The following MRPL37 variants were observed in gnomAD, a reference collection of about 807,000 sequenced individuals.
MRPL37 encodes mitochondrial ribosomal protein L37, also known as large ribosomal subunit protein mL37.
Under a neutral mutation model 44.1 loss-of-function variants are expected in MRPL37, and 34 were observed. The observed-to-expected ratio is 0.77, with a 90% CI of 0.59 to 1.03. The LOEUF (loss-of-function observed/expected upper bound fraction) is 1.03, where lower values mean the gene tolerates loss of function less well. Among genes scored for constraint, MRPL37 ranks in the 50% least tolerant of loss-of-function variants. The probability of loss-of-function intolerance (pLI) is 0.00; values close to 1 mark genes in which losing one functional copy is unlikely to be tolerated. For synonymous variants in MRPL37, 212 were observed against 219.5 expected (o/e 0.97, Z 0.30); for missense variants, 532 against 543.7 (o/e 0.98, Z 0.21).
intron 3 of MRPL37, among the ~76,000 whole-genome samples, chr1:54,206,240 G>A (rs1279565621): frequency 6.6e-6 from 1 of 151,798 alleles, no homozygotes; most frequent in African/African-American, 2.4e-5. Flanking sequence ...AGCCTCCCGA[G>A]TAGCTGGGAC....
rs201642267 is a variant in MRPL37 at position 54,212,488 on chromosome 1, G to C, written c.833-13G>C. On this transcript the variant is annotated splice_polypyrimidine_tract_variant and intron_variant, in intron 4 of 6. Coordinates refer to ENST00000360840, the MANE Select transcript of MRPL37 (RefSeq NM_016491.4). ...ATCCTTTCCACCCCTCCACATAATT[G>C]TGTCTCTTGCAGGATTCCAGGAAGG... is the stretch of plus-strand genomic sequence containing the variant. 2.8e-3 allele frequency: 4,529 copies of C among 1,613,228 alleles called. 10 individuals are homozygous for C. Among genetic ancestry groups the C allele is most frequent in the Non-Finnish European group, 3.3e-3 (3,937 of 1,179,466 alleles).
At chr1:54,203,058 G>A (rs932472623) in intron 1 of MRPL37, among the ~76,000 whole-genome samples, 4 of 152,182 alleles carry the variant, frequency 2.6e-5, no homozygotes, top group African/African-American at 7.2e-5. Context: ...TCTTTGCCTG[G>A]CACCACAGCC....
At chr1:54,212,414 C>G in intron 4 of MRPL37, 87 bp from the exon 5 acceptor site, 1 of 1,497,470 alleles carries the variant, frequency 6.7e-7, no homozygotes, top group Non-Finnish European at 9.2e-7. Flanking sequence ...GCACCTGTCC[C>G]TGGGCTAAGG....
chr1:54,220,310 T>G (rs1384321392), downstream of MRPL37, among the ~76,000 whole-genome samples: 1 of 152,110 alleles, frequency 6.6e-6, no homozygotes, highest in South Asian at 2.1e-4. Flanking sequence ...CCTTGTAGCT[T>G]GAGGACTGCC....
At chr1:54,217,139 T>C (rs1336259152) in intron 6 of MRPL37, among the ~76,000 whole-genome samples, 1 of 152,150 alleles carries the variant, frequency 6.6e-6, no homozygotes, top group Non-Finnish European at 1.5e-5. Context: ...TACTGCCTGC[T>C]CTGGGACCAA....
Position 54,207,879 on chromosome 1 carries a change from G to A in MRPL37, c.647-2067G>A, listed in dbSNP as rs573821387. Among the ~76,000 whole-genome samples, 8 of 152,256 alleles carry A rather than the reference G, an allele frequency of 5.3e-5. No homozygotes were observed. In the East Asian group the frequency reaches 1.4e-3, roughly 26 times the overall value. ...GTGCTGTTGACCAAACCAATTCTTA[G>A]ACATACAAGAAAACCGGCCTTGATC... On this transcript the variant is annotated intron_variant, in intron 3 of 6. Coordinates refer to ENST00000360840, the MANE Select transcript of MRPL37 (RefSeq NM_016491.4).
At chr1:54,225,259 G>A (rs1644269207), downstream of MRPL37, 3 of 1,234,238 alleles carry the variant, frequency 2.4e-6, no homozygotes, top group East Asian at 3.2e-5. Context: ...CAAGGCCATC[G>A]CGACTCCACA....
Position 54,200,364 on chromosome 1 carries a change from T to A in MRPL37, c.121T>A (p.Ser41Thr). The A allele has an allele frequency of 4.3e-6, 7 of 1,614,058 alleles. No individual in the cohort carries two copies. The highest frequency in any genetic ancestry group is 5.1e-6 in the Non-Finnish European group (6 of 1,179,982). Reference protein sequence around the residue: ...YEWGVRSTRKSEPPPLDRVYE... With the variant: ...YEWGVRSTRKTEPPPLDRVYE... ...GTGGGGCGTGCGCTCCACGCGGAAGTCGGAGCCTCCTCCCCTGGATAGGGT... is the reference window on the plus strand; with the variant it reads ...GTGGGGCGTGCGCTCCACGCGGAAGACGGAGCCTCCTCCCCTGGATAGGGT... Residue 41 changes from serine (S) to threonine (T), a missense_variant, in exon 1 of 7, where the codon TCG becomes ACG. By Grantham distance (58) the Ser-to-Thr change is moderately conservative. Coordinates refer to ENST00000360840, the MANE Select transcript of MRPL37 (RefSeq NM_016491.4).
chr1:54,206,186 T>C (rs10749695), intron 3 of MRPL37, among the ~76,000 whole-genome samples: 136,777 of 152,112 alleles, frequency 0.9, 61,629 homozygotes, highest in East Asian at 0.95. Flanking sequence ...AATCTCAGCT[T>C]ACTGCAAGCT....
In MRPL37 at chr1:54,209,967, G is replaced by C. The variant is rs762696753; in HGVS notation, c.668G>C (p.Arg223Pro). The change falls in exon 4 of 7, where the codon CGT (arginine) becomes CCT (proline). Residue 223 changes from arginine to proline, a missense_variant. Arg to Pro is a moderately radical substitution (Grantham distance 103, BLOSUM62 -2). Transcript: ENST00000360840. ...TTAGAGTCTCTTCTCCTTCAAGTCC[G>C]TGGTTCTGGTGGAGCCCGACTGAGC... The part of the protein sequence containing the change: ...WNRESLLLQV[R>P]GSGGARLSTK... 1.9e-6 allele frequency: 3 copies of C among 1,613,948 alleles called. No individual in the cohort carries two copies. Among genetic ancestry groups the C allele is most frequent in the Non-Finnish European group, 2.5e-6 (3 of 1,180,024 alleles).
At chr1:54,225,020 T>C, downstream of MRPL37, 1 of 1,126,782 alleles carries the variant, frequency 8.9e-7, no homozygotes, top group Non-Finnish European at 1.1e-6. Context: ...GTGAAGCCAG[T>C]CCCACCCGAG....
intron 1 of MRPL37, 99 bp downstream of exon 1, chr1:54,200,688 CTT>C: frequency 7.5e-7 from 1 of 1,333,094 alleles, no homozygotes. Flanking sequence ...CTCTGTGGGT[CTT>C]GGTTTCTTCG....
rs1315769521 is a variant in MRPL37 at position 54,200,564 on chromosome 1, T to A, written c.321T>A (p.Phe107Leu). 3 of 1,601,114 alleles carry A rather than the reference T, an allele frequency of 1.9e-6. No homozygotes were observed. Among genetic ancestry groups the A allele is most frequent in the Non-Finnish European group, 1.7e-6 (2 of 1,169,786 alleles). The change falls in exon 1 of 7, where the codon TTT becomes TTA. Residue 107 changes from phenylalanine (F) to leucine (L), a missense_variant. Transcript: ENST00000360840. ...PLYKDQACYI[F>L]HHRCRLLEGV... ...ACAAAGACCAGGCCTGCTATATCTTTCACCACCGTTGCCGCCTTCTCGAGG... is the reference window on the plus strand; with the variant it reads ...ACAAAGACCAGGCCTGCTATATCTTACACCACCGTTGCCGCCTTCTCGAGG...
At chr1:54,214,072 A>G (rs1644182575) in intron 5 of MRPL37, among the ~76,000 whole-genome samples, 1 of 152,200 alleles carries the variant, frequency 6.6e-6, no homozygotes, top group Admixed American at 6.5e-5. Context: ...AATCCCAGCT[A>G]CTCGGGAGGC....
At position 54,201,203 on chromosome 1, in the gene MRPL37, G is replaced by A. The variant is rs547233583; in HGVS notation, c.346+614G>A. ...CTTCCATCTTCCTCAAATCAGGATA[G>A]GGATGGGGCAGGTCTTGAAAACAGA... On this transcript the variant is annotated intron_variant, in intron 1 of 6. Coordinates refer to ENST00000360840, the MANE Select transcript of MRPL37 (RefSeq NM_016491.4). Among the ~76,000 whole-genome samples, 331 of 152,288 alleles carry A rather than the reference G, an allele frequency of 2.2e-3. 2 individuals are homozygous for A. The highest frequency in any genetic ancestry group is 7.5e-3 in the African/African-American group (311 of 41,556).
chr1:54,218,150 T>A (rs370633806), intron 6 of MRPL37, 22 bp from the exon 7 acceptor site: 1 of 1,602,250 alleles, frequency 6.2e-7, no homozygotes, highest in Non-Finnish European at 8.6e-7. Context: ...AGCAGGATCC[T>A]AATGAACCGT....
intron 5 of MRPL37, among the ~76,000 whole-genome samples, chr1:54,214,901 T>G (rs2100514130): frequency 6.6e-6 from 1 of 152,344 alleles, no homozygotes; most frequent in East Asian, 1.9e-4. Flanking sequence ...TTTTATTTAT[T>G]TTTCATGCAG....
chr1:54,210,196 A>C (rs1644154240), intron 4 of MRPL37, 65 bp downstream of exon 4: 1 of 1,522,778 alleles, frequency 6.6e-7, no homozygotes, highest in Non-Finnish European at 9.0e-7. Context: ...TTCTGGAGGG[A>C]AAGGATATAC....
Position 54,208,557 on chromosome 1 carries a change from A to AAAAAG in MRPL37, c.647-1385_647-1384insGAAAA, listed in dbSNP as rs1644141312. ...GAGCAAGACTCCGTCTCAAAAAAAA[A>AAAAAG]AAAAAAAAAAAAGAATCTCCTCTCT... On this transcript the variant is annotated intron_variant, in intron 3 of 6. Transcript: ENST00000360840. Among the ~76,000 whole-genome samples the AAAAAG allele has an allele frequency of 1.3e-5, 2 of 150,686 alleles. 1 individual carries two copies. The highest frequency in any genetic ancestry group is 3.0e-5 in the Non-Finnish European group (2 of 67,532).
Sources: allele counts gnomAD v4.1 joint callset (sites outside exome capture counted in the v4.1 genomes callset), GRCh38; gene constraint gnomAD v4.1.1; transcripts MANE v1.5; gene names NCBI Gene and HGNC (gene_info 2026-07-23, HGNC 2026-07-21).